C5orf34: variants seen among roughly 807,000 people sequenced by gnomAD.
C5orf34 encodes chromosome 5 open reading frame 34, also known as uncharacterized protein C5orf34.
Under a neutral mutation model 78.4 loss-of-function variants are expected in C5orf34, and 73 were observed. The ratio of observed to expected loss-of-function variants is 0.93; its 90% CI spans 0.77 to 1.13. C5orf34 has a LOEUF of 1.13. C5orf34 is among the 50% of genes most tolerant of loss of function. C5orf34 has a pLI of 0.00. For synonymous variants in C5orf34, 251 were observed against 246.6 expected (o/e 1.02, Z -0.17); for missense variants, 730 against 732.7 (o/e 1.00, Z 0.04).
Position 43,502,909 on chromosome 5 carries a change from C to T in C5orf34, c.1029-414G>A, listed in dbSNP as rs141555064. ...TCAATACTTTATGGATAAGATTAGC[C>T]GTCTGCACAAGGGGCTATCCCTAAG... On this transcript the variant is annotated intron_variant, in intron 5 of 12. Coordinates refer to ENST00000306862, the MANE Select transcript of C5orf34 (RefSeq NM_198566.4). 3.9e-5 allele frequency among the ~76,000 whole-genome samples: 6 copies of T among 152,234 alleles called. 1 individual carries two copies. The highest frequency in any genetic ancestry group is 3.9e-4 in the East Asian group (2 of 5,188).
intron 1 of C5orf34, among the ~76,000 whole-genome samples, chr5:43,514,483 T>C (rs1268878925): frequency 6.6e-6 from 1 of 152,084 alleles, no homozygotes; most frequent in African/African-American, 2.4e-5. Context: ...TTTGGTCAGG[T>C]CTTTTTTTTA....
chr5:43,496,479 C>T (rs1745529997), intron 6 of C5orf34: 21 of 1,541,568 alleles, frequency 1.4e-5, no homozygotes, highest in Non-Finnish European at 1.7e-5. Context: ...GTAGTTTTCA[C>T]AACACCTGTG....
intron 5 of C5orf34, 135 bp downstream of exon 5, chr5:43,503,530 C>T: frequency 1.4e-6 from 1 of 731,944 alleles, no homozygotes; most frequent in Non-Finnish European, 2.5e-6. Context: ...AACTCAGGAT[C>T]AAACACAGGA....
Position 43,490,651 on chromosome 5 carries a change from A to T in C5orf34, c.1659T>A (p.Ser553=). The part of the protein sequence containing the change: ...SPREMPTHSS[S]SVLQENWSVA... ...AATACCAATTTTCTTGGAGAACAGA[A>T]GATGACGAATGAGTGGGCATCTCTC... The change falls in exon 11 of 13, where the codon TCT becomes TCA. Residue 553 remains serine, a synonymous_variant. Transcript: ENST00000306862. 6.2e-7 allele frequency: 1 copy of T among 1,608,062 alleles called. No homozygotes were observed. Among genetic ancestry groups the T allele is most frequent in the Non-Finnish European group, 8.5e-7 (1 of 1,174,730 alleles).
At chr5:43,494,297 A>G (rs1210329070) in intron 7 of C5orf34, among the ~76,000 whole-genome samples, 2 of 152,218 alleles carry the variant, frequency 1.3e-5, no homozygotes, top group Admixed American at 1.3e-4. Context: ...ATATTTCTCC[A>G]TATTTAAATT....
At chr5:43,500,261 G>A (rs1171228099) in intron 6 of C5orf34, among the ~76,000 whole-genome samples, 2 of 151,874 alleles carry the variant, frequency 1.3e-5, no homozygotes, top group African/African-American at 4.8e-5. Context: ...CTTTTCTATG[G>A]CTAAATCCAT....
At chr5:43,490,781 A>G (rs775308675) in intron 10 of C5orf34, 52 bp from the exon 11 acceptor site, 1 of 844,200 alleles carries the variant, frequency 1.2e-6, no homozygotes, top group Non-Finnish European at 1.9e-6. Context: ...TGAATACATT[A>G]TAAAATTATA....
At position 43,512,732 on chromosome 5, in the gene C5orf34, C is replaced by G. The variant is rs116122392; in HGVS notation, c.-37+2074G>C. Among the ~76,000 whole-genome samples, 426 of 145,010 alleles carry G rather than the reference C, an allele frequency of 2.9e-3. 1 individual carries two copies. The highest frequency in any genetic ancestry group is 7.8e-3 in the Middle Eastern group (2 of 258). On this transcript the variant is annotated intron_variant, in intron 1 of 12. Transcript: ENST00000306862. The stretch of plus-strand genomic sequence containing the variant: ...CATTTCATCCCTTCTTAACATAACA[C>G]TGATGTCACTTTTATGCCCCACCTT...
intron 6 of C5orf34, among the ~76,000 whole-genome samples, chr5:43,499,242 T>C (rs965771518): frequency 2.0e-5 from 3 of 152,154 alleles, no homozygotes; most frequent in African/African-American, 4.8e-5. Flanking sequence ...ATGCAAACAA[T>C]TGAGAAAGTA....
At chr5:43,492,698 T>A (rs1441873389) in intron 9 of C5orf34, 22 bp downstream of exon 9, 1 of 1,589,164 alleles carries the variant, frequency 6.3e-7, no homozygotes, top group African/African-American at 1.4e-5. Flanking sequence ...AAAAAATAGA[T>A]CTAAGTCTGA....
intron 6 of C5orf34, chr5:43,494,960 A>G (rs1486043830): frequency 2.3e-6 from 2 of 860,998 alleles, no homozygotes; most frequent in Admixed American, 2.2e-5. Flanking sequence ...ATGCATTGTT[A>G]TCATTAACCA....
At chr5:43,508,269 T>C (rs569442933) in intron 3 of C5orf34, among the ~76,000 whole-genome samples, 1 of 152,122 alleles carries the variant, frequency 6.6e-6, no homozygotes, top group Non-Finnish European at 1.5e-5. Context: ...ATAAGCAAAA[T>C]AATAAAGGTC....
intron 11 of C5orf34, among the ~76,000 whole-genome samples, chr5:43,489,444 C>A (rs1436231384): frequency 6.6e-6 from 1 of 152,110 alleles, no homozygotes; most frequent in East Asian, 1.9e-4. Context: ...GCTACTATCA[C>A]CAATCTCTAC....
intron 6 of C5orf34, among the ~76,000 whole-genome samples, chr5:43,499,961 G>A (rs747882075): frequency 9.9e-5 from 15 of 152,090 alleles, no homozygotes; most frequent in African/African-American, 1.9e-4. Context: ...CTTTGAACAC[G>A]TGCAAATATT....
At chr5:43,491,440 TA>T (rs1745276033) in intron 10 of C5orf34, among the ~76,000 whole-genome samples, 1 of 152,188 alleles carries the variant, frequency 6.6e-6, no homozygotes, top group Non-Finnish European at 1.5e-5. Context: ...TCACAAGATT[TA>T]CTGTAATAAA....
At chr5:43,498,282 TC>T (rs1202763658) in intron 6 of C5orf34, among the ~76,000 whole-genome samples, 1 of 152,194 alleles carries the variant, frequency 6.6e-6, no homozygotes, top group African/African-American at 2.4e-5. Flanking sequence ...GATATTGAGT[TC>T]CCTCTGGGTT....
At chr5:43,502,132 A>G (rs1391285724) in intron 6 of C5orf34, among the ~76,000 whole-genome samples, 7 of 152,222 alleles carry the variant, frequency 4.6e-5, no homozygotes, top group Non-Finnish European at 7.4e-5. Context: ...ATGACAAAAG[A>G]AAGTTTCTGA....
At chr5:43,512,975 G>T (rs1746337770) in intron 1 of C5orf34, among the ~76,000 whole-genome samples, 1 of 151,514 alleles carries the variant, frequency 6.6e-6, no homozygotes, top group East Asian at 1.9e-4. Flanking sequence ...GTAGAGACAG[G>T]TTTTCACCAT....
rs369160194 is a variant in C5orf34, at chr5:43,509,135, C to T, written c.195+10G>A. On this transcript the variant is annotated intron_variant, in intron 2 of 12. Coordinates refer to ENST00000306862, the MANE Select transcript of C5orf34 (RefSeq NM_198566.4). ...AACAAAAAAGTTGTTTACGTGATAT[C>T]TTTACTTACTCTGTAAGTGCTAATG... 62 of 1,605,338 alleles carry T rather than the reference C, an allele frequency of 3.9e-5. No individual in the cohort carries two copies. The East Asian group carries it at 5.6e-4, about 14-fold the overall frequency.
Sources: allele counts gnomAD v4.1 joint callset (sites outside exome capture counted in the v4.1 genomes callset), GRCh38; gene constraint gnomAD v4.1.1; transcripts MANE v1.5; gene names NCBI Gene and HGNC (gene_info 2026-07-23, HGNC 2026-07-21).